Variants in KLHL3 observed in about 807,000 individuals in gnomAD.
KLHL3 encodes the protein kelch-like protein 3.
Under a neutral mutation model 70.5 loss-of-function variants are expected in KLHL3, and 19 were observed. The ratio of observed to expected loss-of-function variants is 0.27; its 90% confidence interval spans 0.19 to 0.40. The LOEUF (loss-of-function observed/expected upper bound fraction) is 0.40. Among genes scored for constraint, KLHL3 ranks in the 10% least tolerant of loss-of-function variants. The probability of loss-of-function intolerance (pLI) is 1.00; values close to 1 mark genes in which losing one functional copy is unlikely to be tolerated. For synonymous variants in KLHL3, 258 were observed against 290.3 expected (o/e 0.89, Z 1.13); for missense variants, 512 against 771.1 (o/e 0.66, Z 3.98).
chr5:137,683,415 C>A (rs1752082617), intron 5 of KLHL3, among the ~76,000 whole-genome samples: 1 of 152,114 alleles, frequency 6.6e-6, no homozygotes, highest in Non-Finnish European at 1.5e-5. Context: ...AACATTTTGG[C>A]AGGGTGAAAA....
intron 2 of KLHL3, among the ~76,000 whole-genome samples, chr5:137,714,787 G>A (rs1391401259): frequency 6.6e-6 from 1 of 152,140 alleles, no homozygotes; most frequent in African/African-American, 2.4e-5. Context: ...TATGGCATCT[G>A]AATTATGTCT....
intron 6 of KLHL3, chr5:137,671,940 C>T (rs1751769982): frequency 6.6e-6 from 1 of 151,966 alleles, no homozygotes; most frequent in Non-Finnish European, 1.5e-5. Context: ...GAACTTACTT[C>T]AATACAAACT....
chr5:137,684,197 C>G (rs998523061), intron 5 of KLHL3, among the ~76,000 whole-genome samples: 1 of 152,174 alleles, frequency 6.6e-6, no homozygotes, highest in Non-Finnish European at 1.5e-5. Context: ...CACCTATAAG[C>G]TGAGAAAATA....
intron 4 of KLHL3, among the ~76,000 whole-genome samples, chr5:137,694,594 C>T (rs1271345262): frequency 6.6e-6 from 1 of 152,192 alleles, no homozygotes; most frequent in Non-Finnish European, 1.5e-5. Flanking sequence ...GCTGAATGCA[C>T]ACCAGGAATA....
chr5:137,686,680 G>C (rs903807322), intron 5 of KLHL3, among the ~76,000 whole-genome samples: 11 of 152,304 alleles, frequency 7.2e-5, no homozygotes, highest in Middle Eastern at 6.8e-3. Flanking sequence ...GGCAGCAATG[G>C]TAGAGAACCC....
intron 8 of KLHL3, among the ~76,000 whole-genome samples, chr5:137,646,519 C>A (rs1224481052): frequency 6.6e-6 from 1 of 152,100 alleles, no homozygotes; most frequent in Non-Finnish European, 1.5e-5. Flanking sequence ...CTGATGTTAG[C>A]AAGCAGTTAG....
At chr5:137,702,624 C>T (rs1752593728) in intron 3 of KLHL3, among the ~76,000 whole-genome samples, 1 of 152,138 alleles carries the variant, frequency 6.6e-6, no homozygotes, top group Non-Finnish European at 1.5e-5. Context: ...AGGGATACAT[C>T]AGATTTTTAT....
At chr5:137,681,961 G>A (rs1436055477) in intron 5 of KLHL3, among the ~76,000 whole-genome samples, 1 of 152,052 alleles carries the variant, frequency 6.6e-6, no homozygotes, top group African/African-American at 2.4e-5. Context: ...TCCCCATCAA[G>A]CAACACAAAC....
intron 4 of KLHL3, among the ~76,000 whole-genome samples, chr5:137,693,192 A>G (rs1752364870): frequency 6.6e-6 from 1 of 152,226 alleles, no homozygotes; most frequent in African/African-American, 2.4e-5. Flanking sequence ...TACTGGAACA[A>G]GATTCATTCC....
At chr5:137,697,660 C>T (rs776756714) in intron 4 of KLHL3, among the ~76,000 whole-genome samples, 9 of 152,190 alleles carry the variant, frequency 5.9e-5, no homozygotes, top group Admixed American at 2.0e-4. Context: ...AAACAGTGAA[C>T]ATTATGTCCA....
chr5:137,664,625 T>C (rs981699724), intron 6 of KLHL3, among the ~76,000 whole-genome samples: 11 of 150,732 alleles, frequency 7.3e-5, no homozygotes, highest in African/African-American at 2.5e-4. Flanking sequence ...GAGACCAGCC[T>C]GAGAAACTTA....
rs112292887 is a variant in KLHL3 at position 137,677,661 on chromosome 5, CAAA to C, written c.527-10_527-8del. ...ACCTCTGGAAAGTGCTGCTCTGTTC[CAAA>C]AAAAAAAAAAAGAAGTTAAGAAAAC... On this transcript the variant is annotated splice_polypyrimidine_tract_variant and splice_region_variant and intron_variant, in intron 5 of 14. Transcript: ENST00000309755. 1,561 of 1,238,580 alleles carry C rather than the reference CAAA, an allele frequency of 1.3e-3. No homozygotes were observed. The highest frequency in any genetic ancestry group is 2.4e-3 in the South Asian group (164 of 67,006). The allele number at this position is 1,238,580 out of a possible 1,614,324, so 76.7% of individuals were successfully genotyped here.
chr5:137,657,073 T>C (rs977019497), intron 8 of KLHL3, among the ~76,000 whole-genome samples: 2 of 152,200 alleles, frequency 1.3e-5, no homozygotes, highest in Admixed American at 1.3e-4. Context: ...GCAACCAATA[T>C]ATTCCCCATG....
intron 10 of KLHL3, 106 bp from the exon 11 acceptor site, chr5:137,637,501 T>G: frequency 1.1e-6 from 1 of 905,974 alleles, no homozygotes; most frequent in Non-Finnish European, 1.8e-6. Flanking sequence ...GCTGGAAACC[T>G]AAATGTATGG....
Position 137,617,802 on chromosome 5 carries a change from G to A in KLHL3, c.*4296C>T, listed in dbSNP as rs376820623. ...TCAGTGTCTTCAGTTTTCTTTCAAC[G>A]AAAGCATTTTACACATAATATGCAA... On this transcript the variant is annotated 3_prime_UTR_variant, in exon 15 of 15. Transcript: ENST00000309755. 8 of 152,188 alleles carry A rather than the reference G, an allele frequency of 5.3e-5. No homozygotes were observed. In the East Asian group the frequency reaches 7.7e-4, roughly 15 times the overall value. The allele number at this position is 152,188 out of a possible 1,614,324, so 9.4% of individuals were successfully genotyped here.
At chr5:137,696,623 A>T (rs1580769549) in intron 4 of KLHL3, among the ~76,000 whole-genome samples, 1 of 152,300 alleles carries the variant, frequency 6.6e-6, no homozygotes, top group East Asian at 1.9e-4. Context: ...GGTTCTGATC[A>T]TTCATTTCAT....
intron 3 of KLHL3, among the ~76,000 whole-genome samples, chr5:137,698,678 C>G (rs1345013408): frequency 6.6e-6 from 1 of 152,212 alleles, no homozygotes; most frequent in African/African-American, 2.4e-5. Flanking sequence ...TGTGTGCAAT[C>G]ACTCATTTAA....
At chr5:137,653,795 T>G (rs1428330047) in intron 8 of KLHL3, among the ~76,000 whole-genome samples, 1 of 152,208 alleles carries the variant, frequency 6.6e-6, no homozygotes, top group Non-Finnish European at 1.5e-5. Context: ...CACAAAGATC[T>G]GTAAGTGAAA....
chr5:137,663,479 T>A (rs1751537598), intron 6 of KLHL3, among the ~76,000 whole-genome samples: 1 of 151,694 alleles, frequency 6.6e-6, no homozygotes, highest in Admixed American at 6.6e-5. Context: ...CTTTAAATCA[T>A]CCTCCCATAT....
Sources: allele counts gnomAD v4.1 joint callset (sites outside exome capture counted in the v4.1 genomes callset), GRCh38; gene constraint gnomAD v4.1.1; transcripts MANE v1.5; gene names NCBI Gene and HGNC (gene_info 2026-07-23, HGNC 2026-07-21).